PLA2G4A: variants seen among roughly 807,000 people sequenced by gnomAD.
The protein encoded by PLA2G4A is cytosolic phospholipase A2.
Under a neutral mutation model 81.9 loss-of-function variants are expected in PLA2G4A, and 40 were observed. The observed-to-expected ratio is 0.49, with a 90% confidence interval of 0.38 to 0.64. The LOEUF (loss-of-function observed/expected upper bound fraction) is 0.64. Ranked by LOEUF, PLA2G4A falls within the 30% of genes least tolerant of loss-of-function variation. PLA2G4A has a pLI of 0.00. For synonymous variants in PLA2G4A, 302 were observed against 296.9 expected, an observed-to-expected ratio of 1.02 and a Z score of -0.18; for missense variants, 715 against 905.1, an observed-to-expected ratio of 0.79 and a Z score of 2.69.
chr1:186,860,024 C>T (rs1652739350), intron 2 of PLA2G4A, among the ~76,000 whole-genome samples: 1 of 152,006 alleles, frequency 6.6e-6, no homozygotes, highest in Non-Finnish European at 1.5e-5. Flanking sequence ...AAGCACAGGA[C>T]TGTAAATGAG....
Position 186,862,756 on chromosome 1 carries a change from C to A in PLA2G4A, c.34-7679C>A, listed in dbSNP as rs527487399. 2.6e-5 allele frequency among the ~76,000 whole-genome samples: 4 copies of A among 152,176 alleles called. No homozygotes were observed. In the East Asian group the frequency reaches 7.7e-4, roughly 29 times the overall value. On this transcript the variant is annotated intron_variant, in intron 2 of 17. Coordinates refer to ENST00000367466, the MANE Select transcript of PLA2G4A (RefSeq NM_024420.3). ...TTCTAAACCAAATAAATATGACTTCCCCAAAGCGCCAAGGATGTGTGAGAA... is the reference window on the plus strand; with the variant it reads ...TTCTAAACCAAATAAATATGACTTCACCAAAGCGCCAAGGATGTGTGAGAA...
intron 5 of PLA2G4A, among the ~76,000 whole-genome samples, chr1:186,906,686 C>A (rs1015880652): frequency 2.0e-5 from 3 of 152,090 alleles, no homozygotes; most frequent in Non-Finnish European, 4.4e-5. Flanking sequence ...TGGTGAGCTA[C>A]TTTATTTTAC....
At chr1:186,840,609 A>T (rs531814635) in intron 1 of PLA2G4A, among the ~76,000 whole-genome samples, 366 of 152,334 alleles carry the variant, frequency 2.4e-3, no homozygotes, top group Non-Finnish European at 3.2e-3. Flanking sequence ...TCCATATTTT[A>T]AACTGTCAGA....
chr1:186,874,541 T>A (rs1459671259), intron 3 of PLA2G4A, among the ~76,000 whole-genome samples: 1 of 152,078 alleles, frequency 6.6e-6, no homozygotes, highest in Non-Finnish European at 1.5e-5. Flanking sequence ...TTTAGAACTA[T>A]CCTAATTATG....
At chr1:186,898,894 G>T (rs1000515103) in intron 5 of PLA2G4A, among the ~76,000 whole-genome samples, 2 of 152,074 alleles carry the variant, frequency 1.3e-5, no homozygotes, top group Non-Finnish European at 2.9e-5. Flanking sequence ...GTCATAAGAA[G>T]AAATTATTTA....
Position 186,956,308 on chromosome 1 carries a change from T to C in PLA2G4A, c.1543T>C (p.Ser515Pro). ...SPLSDFATQD[S>P]FDDDELDAAV... The stretch of plus-strand genomic sequence containing the variant: ...TTTGAGTGACTTTGCCACACAGGAC[T>C]CCTTTGATGATGATGAACTGGATGC... The change falls in exon 14 of 18, where the codon TCC becomes CCC. Residue 515 changes from serine to proline, a missense_variant. Ser to Pro is a moderately conservative substitution (Grantham distance 74). Transcript: ENST00000367466. The C allele has an allele frequency of 1.2e-6, 2 of 1,613,748 alleles. No individual in the cohort carries two copies. Among genetic ancestry groups the C allele is most frequent in the Non-Finnish European group, 1.7e-6 (2 of 1,179,666 alleles).
intron 1 of PLA2G4A, among the ~76,000 whole-genome samples, chr1:186,853,492 G>C (rs1652449019): frequency 1.3e-5 from 2 of 151,610 alleles, no homozygotes; most frequent in African/African-American, 4.8e-5. Context: ...GATTTATTTT[G>C]AAATAAAAAC....
chr1:186,986,302 T>C (rs904965247), intron 17 of PLA2G4A, among the ~76,000 whole-genome samples: 1 of 152,228 alleles, frequency 6.6e-6, no homozygotes, highest in Non-Finnish European at 1.5e-5. Context: ...TTTAATTTTT[T>C]GTATGGTCTT....
intron 7 of PLA2G4A, among the ~76,000 whole-genome samples, chr1:186,920,088 T>C (rs1655292677): frequency 6.6e-6 from 1 of 152,214 alleles, no homozygotes; most frequent in Non-Finnish European, 1.5e-5. Flanking sequence ...TTGCCCATAC[T>C]TGGGCCATTG....
chr1:186,834,285 CTTTG>C (rs745951739), intron 1 of PLA2G4A, among the ~76,000 whole-genome samples: 7 of 151,488 alleles, frequency 4.6e-5, no homozygotes, highest in Non-Finnish European at 8.8e-5. Context: ...TGGTTATGAA[CTTTG>C]TTTATTTCCA....
At chr1:186,873,571 A>C (rs1653363861) in intron 3 of PLA2G4A, among the ~76,000 whole-genome samples, 1 of 152,122 alleles carries the variant, frequency 6.6e-6, no homozygotes, top group East Asian at 1.9e-4. Flanking sequence ...AAGACAAATA[A>C]AAAATCAACT....
At chr1:186,850,657 C>A (rs1202606511) in intron 1 of PLA2G4A, among the ~76,000 whole-genome samples, 12 of 152,096 alleles carry the variant, frequency 7.9e-5, no homozygotes, top group Admixed American at 7.9e-4. Flanking sequence ...AGAAGATGCT[C>A]TTCTGCTATG....
At chr1:186,911,480 TTGAGA>T in intron 7 of PLA2G4A, 91 bp downstream of exon 7, 1 of 930,206 alleles carries the variant, frequency 1.1e-6, no homozygotes, top group Non-Finnish European at 1.8e-6. Context: ...TATGGCAATA[TTGAGA>T]TTGAGCATTA....
chr1:186,855,866 T>G (rs1327672450), intron 2 of PLA2G4A, among the ~76,000 whole-genome samples: 3 of 152,102 alleles, frequency 2.0e-5, no homozygotes, highest in African/African-American at 4.8e-5. Flanking sequence ...AGTCTGTGTT[T>G]GCCCCAATAC....
chr1:186,847,106 C>T (rs1652203343), intron 1 of PLA2G4A, among the ~76,000 whole-genome samples: 1 of 150,120 alleles, frequency 6.7e-6, no homozygotes, highest in Non-Finnish European at 1.5e-5. Context: ...TATTAATCTA[C>T]ATATATATTT....
intron 14 of PLA2G4A, among the ~76,000 whole-genome samples, chr1:186,959,400 A>G (rs1656869361): frequency 6.6e-6 from 1 of 152,218 alleles, no homozygotes; most frequent in South Asian, 2.1e-4. Context: ...GAGATACCTG[A>G]AAATGTTCTA....
At chr1:186,876,847 G>T (rs527925784) in intron 3 of PLA2G4A, among the ~76,000 whole-genome samples, 1 of 152,040 alleles carries the variant, frequency 6.6e-6, no homozygotes, top group African/African-American at 2.4e-5. Flanking sequence ...ACATTTTCCC[G>T]AAGGGTAACC....
intron 2 of PLA2G4A, among the ~76,000 whole-genome samples, chr1:186,857,797 C>G (rs10911931): frequency 0.51 from 76,665 of 151,364 alleles, 19,813 homozygotes; most frequent in East Asian, 0.69. Flanking sequence ...GTTCCCCGCT[C>G]TGTGTCCAAG....
At chr1:186,878,718 T>C (rs1034102218) in intron 3 of PLA2G4A, among the ~76,000 whole-genome samples, 1 of 151,918 alleles carries the variant, frequency 6.6e-6, no homozygotes, top group African/African-American at 2.4e-5. Flanking sequence ...ATCTCTGTAC[T>C]TTATTAGATT....
Sources: gnomAD v4.1 joint callset for allele counts (sites outside exome capture counted in the v4.1 genomes callset) on GRCh38, gnomAD v4.1.1 for gene constraint, MANE v1.5 for transcripts, NCBI Gene and HGNC (gene_info 2026-07-23, HGNC 2026-07-21) for gene names.